The following APBA1 variants were observed in gnomAD, a reference collection of about 807,000 sequenced individuals.
APBA1 encodes amyloid-beta A4 precursor protein-binding family A member 1.
APBA1 carries 55 observed loss-of-function variants against 86.6 expected under a neutral mutation model. The observed-to-expected ratio is 0.64, with a 90% CI of 0.51 to 0.80. The LOEUF (loss-of-function observed/expected upper bound fraction) is 0.80, where lower values mean the gene tolerates loss of function less well. Ranked by LOEUF, APBA1 falls within the 30% of genes least tolerant of loss-of-function variation. The pLI is 0.00. For missense variants in APBA1, 1,090 were observed against 1,183.0 expected (o/e 0.92, Z 1.15); for synonymous variants, 511 against 493.9 (o/e 1.03, Z -0.46).
At chr9:69,474,113 A>G (rs1403716532) in intron 3 of APBA1, 2 of 152,240 alleles carry the variant, frequency 1.3e-5, no homozygotes, top group African/African-American at 2.4e-5. Context: ...GCATTTAAAA[A>G]GCTAAAGGCT....
At chr9:69,658,272 CTTTCTTTCTT>C (rs1387955964) in intron 1 of APBA1, among the ~76,000 whole-genome samples, 2,772 of 85,396 alleles carry the variant, frequency 0.032, 82 homozygotes, top group African/African-American at 0.035. Flanking sequence ...TTCTTTCTTT[CTTTCTTTCTT>C]TCTCTCTCTC....
At chr9:69,610,567 T>C (rs896726301) in intron 1 of APBA1, among the ~76,000 whole-genome samples, 2 of 152,182 alleles carry the variant, frequency 1.3e-5, no homozygotes, top group Admixed American at 6.5e-5. Context: ...TTTTGTTACA[T>C]GTCTGTCAAT....
At chr9:69,500,627 C>T (rs7044071) in intron 2 of APBA1, among the ~76,000 whole-genome samples, 24,014 of 151,950 alleles carry the variant, frequency 0.16, 2,672 homozygotes, top group African/African-American at 0.29. Flanking sequence ...GCAAGAAAAG[C>T]GGAAAATGAG....
At chr9:69,446,006 G>C (rs1416848834) in intron 10 of APBA1, among the ~76,000 whole-genome samples, 2 of 152,194 alleles carry the variant, frequency 1.3e-5, no homozygotes, top group East Asian at 3.9e-4. Context: ...ATCAGGATGA[G>C]AGTTGCTTGT....
intron 2 of APBA1, among the ~76,000 whole-genome samples, chr9:69,488,037 G>T (rs1835639634): frequency 6.6e-6 from 1 of 152,132 alleles, no homozygotes; most frequent in Non-Finnish European, 1.5e-5. Context: ...AAGTTGAAGA[G>T]GGGAAAGTTG....
chr9:69,429,216 T>TATCCA lies in APBA1; in HGVS notation c.*2106_*2110dup, dbSNP rs1834545401. Reference sequence around the variant, plus strand: ...CACCAGTAACACTTCATTCCTGTTCTATCCACTCTTATTGGCAGAGGAAAG... The same window carrying TATCCA: ...CACCAGTAACACTTCATTCCTGTTCTATCCAATCCACTCTTATTGGCAGAGGAAAG... On this transcript the variant is annotated 3_prime_UTR_variant, in exon 13 of 13. Coordinates refer to ENST00000265381, the MANE Select transcript of APBA1 (RefSeq NM_001163.4). 1 of 152,230 alleles carries TATCCA rather than the reference T, an allele frequency of 6.6e-6. No homozygotes were observed. Among genetic ancestry groups the TATCCA allele is most frequent in the Non-Finnish European group, 1.5e-5 (1 of 68,054 alleles). The allele number at this position is 152,230 out of a possible 1,614,324, so 9.4% of individuals were successfully genotyped here. A position where few individuals can be genotyped will look rare whatever the true frequency, so the allele number is the denominator to read the frequency against.
chr9:69,466,955 T>C (rs914768212), intron 5 of APBA1, among the ~76,000 whole-genome samples: 1 of 152,220 alleles, frequency 6.6e-6, no homozygotes, highest in African/African-American at 2.4e-5. Context: ...ACTTCTACCA[T>C]GATGCTGTCC....
At chr9:69,466,379 A>C (rs1835280685) in intron 5 of APBA1, among the ~76,000 whole-genome samples, 1 of 152,224 alleles carries the variant, frequency 6.6e-6, no homozygotes, top group African/African-American at 2.4e-5. Flanking sequence ...TAACGTAAGA[A>C]TCAGCTTGGG....
chr9:69,658,304 C>CTCTCTT (rs1362898788), intron 1 of APBA1, among the ~76,000 whole-genome samples: 6,596 of 79,736 alleles, frequency 0.083, 437 homozygotes, highest in Middle Eastern at 0.13. Context: ...TTCTCTCTCT[C>CTCTCTT]TCTTTCTTTC....
At chr9:69,566,708 C>A (rs1837032233) in intron 1 of APBA1, among the ~76,000 whole-genome samples, 1 of 152,144 alleles carries the variant, frequency 6.6e-6, no homozygotes, top group Non-Finnish European at 1.5e-5. Flanking sequence ...AGAGCCTTTG[C>A]ACCTGCGGCC....
Position 69,476,068 on chromosome 9 carries a change from C to T in APBA1, c.1276G>A (p.Glu426Lys), listed in dbSNP as rs770815088. The T allele has an allele frequency of 1.3e-5, 21 of 1,614,126 alleles. 1 individual carries two copies. In the South Asian group the frequency reaches 2.1e-4, roughly 16 times the overall value. The change falls in exon 3 of 13, where the codon GAA (glutamate) becomes AAA (lysine). Residue 426 changes from glutamate (E) to lysine (K), a missense_variant. Around this residue, in one of 6 missense-constraint regions of APBA1, gnomAD observed 678 missense variants for 647.1 expected, o/e 1.05. Coordinates refer to ENST00000265381, the MANE Select transcript of APBA1 (RefSeq NM_001163.4). Reference sequence around the variant, plus strand: ...CCTACCTCTTTATTAGTGGACGCTTCCACAGGGTCACTGGGGTGAAGAGAT... The same window carrying T: ...CCTACCTCTTTATTAGTGGACGCTTTCACAGGGTCACTGGGGTGAAGAGAT... ...STSLHPSDPV[E>K]ASTNKESRKS...
chr9:69,637,048 G>A (rs1361524552), intron 1 of APBA1, among the ~76,000 whole-genome samples: 1 of 152,104 alleles, frequency 6.6e-6, no homozygotes, highest in Non-Finnish European at 1.5e-5. Flanking sequence ...GATCCTAAAT[G>A]AAATCCTGTC....
Position 69,427,750 on chromosome 9 carries a change from G to GTAGA in APBA1, c.*3573_*3576dup, listed in dbSNP as rs769376360. The GTAGA allele has an allele frequency of 1.8e-4, 27 of 152,026 alleles. No homozygotes were observed. The highest frequency in any genetic ancestry group is 3.9e-4 in the East Asian group (2 of 5,178). The allele number at this position is 152,026 out of a possible 1,614,324, so 9.4% of individuals were successfully genotyped here. On this transcript the variant is annotated 3_prime_UTR_variant, in exon 13 of 13. Coordinates refer to ENST00000265381, the MANE Select transcript of APBA1 (RefSeq NM_001163.4). ...CGGTGTCCACATTCCAGGCTCACGT[G>GTAGA]TAGATATATTTTATTTATATATTTA...
At chr9:69,653,060 T>C (rs1249409518) in intron 1 of APBA1, among the ~76,000 whole-genome samples, 1 of 149,878 alleles carries the variant, frequency 6.7e-6, no homozygotes, top group Non-Finnish European at 1.5e-5. Context: ...TACAAGAAAC[T>C]CACTTCACCT....
chr9:69,491,240 T>C (rs1402275520), intron 2 of APBA1, among the ~76,000 whole-genome samples: 1 of 151,888 alleles, frequency 6.6e-6, no homozygotes, highest in Non-Finnish European at 1.5e-5. Context: ...ATTAAGAAAA[T>C]GTGGCACATA....
At chr9:69,611,949 GATAAA>G (rs1267609766) in intron 1 of APBA1, among the ~76,000 whole-genome samples, 1 of 152,094 alleles carries the variant, frequency 6.6e-6, no homozygotes, top group Non-Finnish European at 1.5e-5. Flanking sequence ...TAAATTTGTT[GATAAA>G]ATAAAAATTA....
At chr9:69,445,789 G>A (rs1375407176) in intron 10 of APBA1, among the ~76,000 whole-genome samples, 1 of 152,120 alleles carries the variant, frequency 6.6e-6, no homozygotes, top group Non-Finnish European at 1.5e-5. Flanking sequence ...AACCTGGGGG[G>A]ACAATAGTCA....
chr9:69,663,295 C>T (rs1052810845), intron 1 of APBA1, among the ~76,000 whole-genome samples: 6 of 152,340 alleles, frequency 3.9e-5, no homozygotes, highest in Middle Eastern at 3.4e-3. Flanking sequence ...ATCTATGTTG[C>T]TAGCCTATCA....
At chr9:69,450,261 A>C (rs1834984446) in intron 9 of APBA1, among the ~76,000 whole-genome samples, 1 of 152,040 alleles carries the variant, frequency 6.6e-6, no homozygotes, top group Admixed American at 6.5e-5. Flanking sequence ...ACACAGAAAC[A>C]CTTCTCTGCA....
Sources: gnomAD v4.1 joint callset for allele counts (sites outside exome capture counted in the v4.1 genomes callset) on GRCh38, gnomAD v4.1.1 for gene constraint, gnomAD v4.1.1 regional missense constraint, MANE v1.5 for transcripts, NCBI Gene and HGNC (gene_info 2026-07-23, HGNC 2026-07-21) for gene names.